UTY: variants seen among roughly 807,000 people sequenced by gnomAD.
The protein encoded by UTY is histone demethylase UTY.
Under a neutral mutation model 32.5 loss-of-function variants are expected in UTY, and 12 were observed. The ratio of observed to expected loss-of-function variants is 0.37; its 90% confidence interval spans 0.24 to 0.60. The LOEUF is 0.60. Among genes scored for constraint, UTY ranks in the 20% least tolerant of loss-of-function variants. The pLI is 0.69. For missense variants in UTY, 303 were observed against 299.2 expected (o/e 1.01, Z -0.09); for synonymous variants, 131 against 103.4 (o/e 1.27, Z -1.62).
At chrY:13,353,957 A>C in intron 17 of UTY, among the ~76,000 whole-genome samples, 1 of 34,338 alleles carries the variant, frequency 2.9e-5, no homozygotes, top group African/African-American at 1.1e-4. Context: ...AACACTAACT[A>C]CTGTGATACA....
At chrY:13,274,408 G>A in intron 27 of UTY, among the ~76,000 whole-genome samples, 2 of 32,712 alleles carry the variant, frequency 6.1e-5, no homozygotes, top group East Asian at 7.7e-4. Flanking sequence ...ACAGGTTCAC[G>A]GGTGCAGCAA....
At chrY:13,305,204 T>C (rs768781142) in intron 24 of UTY, among the ~76,000 whole-genome samples, 195 bp downstream of exon 24, 2 of 32,995 alleles carry the variant, frequency 6.1e-5, no homozygotes, top group South Asian at 1.3e-3. Context: ...CCGATTGTTT[T>C]TTCATATAAA....
chrY:13,332,163 C>G, intron 18 of UTY, among the ~76,000 whole-genome samples: 1 of 33,796 alleles, frequency 3.0e-5, no homozygotes, highest in Non-Finnish European at 7.4e-5. Context: ...CAAATTCTAC[C>G]AGACGTACAA....
At chrY:13,236,402 G>A in intron 28 of UTY, among the ~76,000 whole-genome samples, 3 of 30,868 alleles carry the variant, frequency 9.7e-5, no homozygotes, top group African/African-American at 3.9e-4. Context: ...AATAGTCTGT[G>A]ACAACTAAAG....
chrY:13,413,653 C>T (rs962292164), intron 5 of UTY, among the ~76,000 whole-genome samples: 2 of 34,961 alleles, frequency 5.7e-5, no homozygotes, highest in Non-Finnish European at 1.4e-4. Flanking sequence ...CACAGCGTTC[C>T]CGTAGTCCAG....
Position 13,477,675 on chromosome Y carries a change from A to G in UTY, c.216+1579T>C, listed in dbSNP as rs773908100. ...TGTCTATCTGAAAAGTTCATTCCAA[A>G]CTAAAATGTTAACCACAACCCACTG... On this transcript the variant is annotated intron_variant, in intron 2 of 29. Coordinates refer to ENST00000545955, the MANE Select transcript of UTY (RefSeq NM_001258249.2). Among the ~76,000 whole-genome samples, 9 of 33,658 alleles carry G rather than the reference A, an allele frequency of 2.7e-4. No individual in the cohort carries two copies. In the Middle Eastern group the frequency reaches 0.13, roughly 481 times the overall value. The allele number at this position is 33,658 out of a possible 37,273, so 90.3% of individuals were successfully genotyped here. A position where few individuals can be genotyped will look rare whatever the true frequency, so the allele number is the denominator to read the frequency against.
intron 9 of UTY, among the ~76,000 whole-genome samples, chrY:13,367,042 T>C: frequency 3.0e-5 from 1 of 33,516 alleles, no homozygotes; most frequent in Admixed American, 2.7e-4. Context: ...CATTTCACCA[T>C]GTTGGGTAGG....
chrY:13,286,668 C>A, intron 27 of UTY: 1 of 373,549 alleles, frequency 2.7e-6, no homozygotes, highest in Non-Finnish European at 3.8e-6. Flanking sequence ...TGGTTTTGAC[C>A]GCCACATTAC....
chrY:13,305,582 G>T, intron 23 of UTY, 35 bp from the exon 24 acceptor site: 1 of 364,007 alleles, frequency 2.7e-6, no homozygotes, highest in Non-Finnish European at 3.8e-6. Flanking sequence ...GTAAAAACTC[G>T]TAAGAATCAC....
At chrY:13,236,989 A>T in intron 28 of UTY, among the ~76,000 whole-genome samples, 1 of 33,973 alleles carries the variant, frequency 2.9e-5, no homozygotes, top group South Asian at 6.6e-4. Flanking sequence ...GTCCATTTTC[A>T]TCATTCTTAT....
At chrY:13,272,000 A>T (rs2056330869) in intron 27 of UTY, among the ~76,000 whole-genome samples, 7 of 33,867 alleles carry the variant, frequency 2.1e-4, no homozygotes, top group South Asian at 1.3e-3. Context: ...AAGCAAGCCA[A>T]CAGATTCTTC....
At chrY:13,464,361 C>T in intron 3 of UTY, among the ~76,000 whole-genome samples, 1 of 33,773 alleles carries the variant, frequency 3.0e-5, no homozygotes, top group Admixed American at 2.7e-4. Context: ...ATGTTAGAAG[C>T]GGTGGGCCTT....
chrY:13,355,086 T>C lies in UTY; in HGVS notation c.1978A>G (p.Thr660Ala), dbSNP rs868522498. The change falls in exon 17 of 30, where the codon ACA becomes GCA. Residue 660 changes from threonine to alanine, a missense_variant. Transcript: ENST00000545955. ...NGNVPYLQQNTHTLPHNHTDL... is the reference protein window; with the variant it reads ...NGNVPYLQQNAHTLPHNHTDL... ...GTATGATTATGAGGTAGAGTGTGTGTATTTTGCTGCAGGTAAGGCACATTT... is the reference window on the plus strand; with the variant it reads ...GTATGATTATGAGGTAGAGTGTGTGCATTTTGCTGCAGGTAAGGCACATTT... 2.5e-6 allele frequency: 1 copy of C among 396,617 alleles called. No individual in the cohort carries two copies. Among genetic ancestry groups the C allele is most frequent in the African/African-American group, 6.4e-5 (1 of 15,580 alleles).
rs377214786 is a variant in UTY at position 13,383,368 on chromosome Y, C to T, written c.645+10491G>A. Among the ~76,000 whole-genome samples, 165 of 30,732 alleles carry T rather than the reference C, an allele frequency of 5.4e-3. No homozygotes were observed. The South Asian group carries it at 0.11, about 21-fold the overall frequency. The allele number at this position is 30,732 out of a possible 37,273, so 82.5% of individuals were successfully genotyped here. On this transcript the variant is annotated intron_variant, in intron 8 of 29. Transcript: ENST00000545955. Reference sequence around the variant, plus strand: ...TCCTCAGCACTTTGGGAGGCCAAGGCGGGTGGATTACGAGGTCAGGAGATC... The same window carrying T: ...TCCTCAGCACTTTGGGAGGCCAAGGTGGGTGGATTACGAGGTCAGGAGATC...
At chrY:13,375,665 C>G (rs372380326) in intron 8 of UTY, among the ~76,000 whole-genome samples, 20 of 33,801 alleles carry the variant, frequency 5.9e-4, no homozygotes, top group East Asian at 5.3e-3. Context: ...ATTCATAGTT[C>G]ATTCCTTTGC....
At chrY:13,287,537 TG>T (rs2057480074) in intron 27 of UTY, among the ~76,000 whole-genome samples, 1 of 30,108 alleles carries the variant, frequency 3.3e-5, no homozygotes. Context: ...ACAAGGCTTT[TG>T]GAAAAAAAAA....
chrY:13,338,530 A>AG (rs2061288610), intron 17 of UTY, among the ~76,000 whole-genome samples: 1 of 29,804 alleles, frequency 3.4e-5, no homozygotes, highest in South Asian at 7.8e-4. Context: ...ATGGAAAAAA[A>AG]AAAAAAAGAA....
In UTY at chrY:13,366,276, A is replaced by G; in HGVS notation, c.857T>C (p.Phe286Ser). 2.5e-6 allele frequency: 1 copy of G among 392,384 alleles called. No individual in the cohort carries two copies. Among genetic ancestry groups the G allele is most frequent in the African/African-American group, 6.5e-5 (1 of 15,438 alleles). ...ADPNSGQSWYFLGRCYSSIGK... is the reference protein window; with the variant it reads ...ADPNSGQSWYSLGRCYSSIGK... ...GAGTATTTCATCTCACCTTCCAAGA[A>G]AATACCACGATTGGCCAGAATTAGG... Residue 286 changes from phenylalanine (F) to serine (S), a missense_variant, in exon 10 of 30, where the codon TTT becomes TCT. Physicochemically the swap from Phe to Ser is radical, Grantham distance 155. Transcript: ENST00000545955.
At chrY:13,289,703 G>A in intron 27 of UTY, among the ~76,000 whole-genome samples, 3 of 33,297 alleles carry the variant, frequency 9.0e-5, no homozygotes, top group African/African-American at 2.4e-4. Context: ...TTTTGTCTGC[G>A]GCTCGTCCTG....
Sources: gnomAD v4.1 joint callset for allele counts (sites outside exome capture counted in the v4.1 genomes callset) on GRCh38, gnomAD v4.1.1 for gene constraint, MANE v1.5 for transcripts, NCBI Gene and HGNC (gene_info 2026-07-23, HGNC 2026-07-21) for gene names.